CENPW: variants seen among roughly 807,000 people sequenced by gnomAD.
The protein encoded by CENPW is cancer-up-regulated gene 2 protein.
Under a neutral mutation model 11.1 loss-of-function variants are expected in CENPW, and 3 were observed. The ratio of observed to expected loss-of-function variants is 0.27; its 90% CI spans 0.12 to 0.70. The LOEUF (loss-of-function observed/expected upper bound fraction) is 0.70. CENPW is among the 30% of genes least tolerant of loss of function. The pLI, the probability that CENPW is intolerant of heterozygous loss-of-function variation, is 0.77. For missense variants in CENPW, 100 were observed against 105.6 expected (o/e 0.95, Z 0.23); for synonymous variants, 38 against 42.0 (o/e 0.91, Z 0.37).
chr6:126,470,432 G>A, the CENPW span, among the ~76,000 whole-genome samples: 1 of 152,248 alleles, frequency 6.6e-6, no homozygotes, highest in Non-Finnish European at 1.5e-5. Context: ...GTATGGAAAT[G>A]CCTAGATGTC....
chr6:126,354,888 A>G, the CENPW span, among the ~76,000 whole-genome samples: 5 of 152,134 alleles, frequency 3.3e-5, no homozygotes, highest in Non-Finnish European at 5.9e-5. Context: ...AACTGTTGCA[A>G]TTTAATCCTG....
chr6:126,422,046 G>A, the CENPW span, among the ~76,000 whole-genome samples: 1,277 of 152,228 alleles, frequency 8.4e-3, 13 homozygotes, highest in African/African-American at 0.03. Flanking sequence ...TTTCAGAAAT[G>A]TCTCAGTAGA....
At chr6:126,417,121 C>G in the CENPW span, among the ~76,000 whole-genome samples, 33 of 152,300 alleles carry the variant, frequency 2.2e-4, no homozygotes, top group African/African-American at 6.5e-4. Flanking sequence ...TCAGTGTGAC[C>G]TGGATGTGAG....
At chr6:126,390,174 T>A in the CENPW span, among the ~76,000 whole-genome samples, 3 of 151,916 alleles carry the variant, frequency 2.0e-5, no homozygotes, top group Non-Finnish European at 4.4e-5. Context: ...TTTTTTTCCA[T>A]GTCTACTGCA....
chr6:126,468,420 C>CAAA, the CENPW span, among the ~76,000 whole-genome samples: 1,577 of 51,778 alleles, frequency 0.03, 94 homozygotes, highest in East Asian at 0.073. Flanking sequence ...AACTCTGTCT[C>CAAA]AAAAAAAAAA....
At chr6:126,401,276 G>A in the CENPW span, among the ~76,000 whole-genome samples, 2 of 152,042 alleles carry the variant, frequency 1.3e-5, no homozygotes, top group African/African-American at 4.8e-5. Context: ...GTACAGGCTG[G>A]TTTGCCAGAG....
chr6:126,432,075 A>AG, the CENPW span, among the ~76,000 whole-genome samples: 1 of 151,308 alleles, frequency 6.6e-6, no homozygotes, highest in Non-Finnish European at 1.5e-5. Context: ...ACAAAAAAAA[A>AG]AAAAAAAAAA....
the CENPW span, among the ~76,000 whole-genome samples, chr6:126,436,534 G>A: frequency 6.6e-6 from 1 of 151,638 alleles, no homozygotes; most frequent in African/African-American, 2.4e-5. Context: ...GGCATTGCAG[G>A]GAAATCTATT....
At chr6:126,421,577 ACTTT>A in the CENPW span, among the ~76,000 whole-genome samples, 1 of 127,506 alleles carries the variant, frequency 7.8e-6, no homozygotes, top group African/African-American at 2.6e-5. Flanking sequence ...CTTTTCTAAC[ACTTT>A]CTTTTTTTTT....
the CENPW span, among the ~76,000 whole-genome samples, chr6:126,395,586 T>C: frequency 2.0e-5 from 3 of 152,194 alleles, no homozygotes; most frequent in Non-Finnish European, 2.9e-5. Flanking sequence ...CTTGGATGGT[T>C]CTGAGGCTTG....
chr6:126,436,321 C>T, the CENPW span, among the ~76,000 whole-genome samples: 1 of 151,782 alleles, frequency 6.6e-6, no homozygotes, highest in Non-Finnish European at 1.5e-5. Context: ...TTTCAGTCCA[C>T]CAGAGTTATT....
chr6:126,362,468 C>T, the CENPW span, among the ~76,000 whole-genome samples: 1 of 152,180 alleles, frequency 6.6e-6, no homozygotes, highest in Non-Finnish European at 1.5e-5. Context: ...CAGTGCTCAG[C>T]TTCCTCTTCA....
At chr6:126,367,620 C>G in the CENPW span, among the ~76,000 whole-genome samples, 1 of 152,028 alleles carries the variant, frequency 6.6e-6, no homozygotes, top group Admixed American at 6.6e-5. Flanking sequence ...AGGAAGACTT[C>G]CAAATGGTGG....
At chr6:126,416,297 G>C in the CENPW span, among the ~76,000 whole-genome samples, 5 of 152,280 alleles carry the variant, frequency 3.3e-5, no homozygotes, top group East Asian at 9.6e-4. Context: ...GCATTCGAGA[G>C]GTGACTTAGT....
chr6:126,391,762 TA>T, the CENPW span, among the ~76,000 whole-genome samples: 1 of 152,000 alleles, frequency 6.6e-6, no homozygotes, highest in Non-Finnish European at 1.5e-5. Context: ...GGCACCTTTG[TA>T]AAAAATGAGT....
chr6:126,353,273 T>A (rs546308884), downstream of CENPW, among the ~76,000 whole-genome samples: 1 of 151,996 alleles, frequency 6.6e-6, no homozygotes, highest in Non-Finnish European at 1.5e-5. Flanking sequence ...TATTTTCCTG[T>A]AGTAACTGTT....
chr6:126,457,332 C>T, the CENPW span, among the ~76,000 whole-genome samples: 3 of 151,402 alleles, frequency 2.0e-5, no homozygotes, highest in Non-Finnish European at 4.4e-5. Context: ...CAATAGTAGA[C>T]TGAATAAAGA....
chr6:126,343,078 G>A (rs1480477741), intron 1 of CENPW, among the ~76,000 whole-genome samples: 3 of 152,168 alleles, frequency 2.0e-5, no homozygotes, highest in Non-Finnish European at 4.4e-5. Context: ...ACAAAGGGAG[G>A]AGAAAGTCAG....
the CENPW span, among the ~76,000 whole-genome samples, chr6:126,474,360 T>C: frequency 1.3e-5 from 2 of 152,176 alleles, no homozygotes; most frequent in African/African-American, 4.8e-5. Flanking sequence ...TTTCCCCATG[T>C]AAACCTTGTG....
Sources: allele counts gnomAD v4.1 joint callset (sites outside exome capture counted in the v4.1 genomes callset), GRCh38; gene constraint gnomAD v4.1.1; transcripts MANE v1.5; gene names NCBI Gene and HGNC (gene_info 2026-07-23, HGNC 2026-07-21).